Variants in SLC24A2 observed in about 807,000 individuals in gnomAD.
SLC24A2 encodes solute carrier family 24 member 2, also known as sodium/potassium/calcium exchanger 2.
A neutral mutation model predicts 62.0 loss-of-function variants in SLC24A2; 36 were observed. The observed-to-expected ratio is 0.58, with a 90% CI of 0.44 to 0.77. The LOEUF is 0.77. Among genes scored for constraint, SLC24A2 ranks in the 30% least tolerant of loss-of-function variants. The pLI is 0.00. For missense variants in SLC24A2, 846 were observed against 817.9 expected, an observed-to-expected ratio of 1.03 and a Z score of -0.42; for synonymous variants, 358 against 294.0, an observed-to-expected ratio of 1.22 and a Z score of -2.23.
the SLC24A2 span, among the ~76,000 whole-genome samples, chr9:20,003,269 C>T: frequency 6.6e-6 from 1 of 152,180 alleles, no homozygotes; most frequent in Non-Finnish European, 1.5e-5. Context: ...GCTTGTAAGA[C>T]TCTAATCCAG....
At chr9:19,733,779 G>A (rs1014341641) in intron 2 of SLC24A2, among the ~76,000 whole-genome samples, 3 of 152,088 alleles carry the variant, frequency 2.0e-5, no homozygotes, top group Non-Finnish European at 4.4e-5. Context: ...TCTGACCTAC[G>A]TTTGTGGTTT....
the SLC24A2 span, among the ~76,000 whole-genome samples, chr9:19,998,216 A>G: frequency 6.6e-6 from 1 of 152,164 alleles, no homozygotes. Context: ...TGGCAGGGCT[A>G]GGATTCAAAC....
chr9:19,715,392 G>A (rs1328276367), intron 2 of SLC24A2, among the ~76,000 whole-genome samples: 1 of 152,136 alleles, frequency 6.6e-6, no homozygotes, highest in South Asian at 2.1e-4. Flanking sequence ...GAGGGACCGA[G>A]TATCCTCAAG....
chr9:20,283,346 T>C, the SLC24A2 span, among the ~76,000 whole-genome samples: 3 of 152,162 alleles, frequency 2.0e-5, no homozygotes, highest in Non-Finnish European at 4.4e-5. Context: ...CTACCTAAAG[T>C]GATCCCTGCA....
At chr9:20,287,800 T>G in the SLC24A2 span, among the ~76,000 whole-genome samples, 1 of 152,160 alleles carries the variant, frequency 6.6e-6, no homozygotes, top group African/African-American at 2.4e-5. Context: ...CCTCTCCATC[T>G]CTTCCAGTTA....
chr9:20,179,426 C>A, the SLC24A2 span, among the ~76,000 whole-genome samples: 3 of 152,032 alleles, frequency 2.0e-5, no homozygotes, highest in East Asian at 3.9e-4. Context: ...ATGAGATCAT[C>A]ATGACTGATG....
the SLC24A2 span, among the ~76,000 whole-genome samples, chr9:20,120,056 A>G: frequency 9.3e-4 from 142 of 152,096 alleles, no homozygotes; most frequent in South Asian, 3.7e-3. Context: ...AACCACCCAC[A>G]TTTTCCTTCA....
At position 19,671,725 on chromosome 9, in the gene SLC24A2, T is replaced by C. The variant is rs1819422384; in HGVS notation, c.931-49426A>G. On this transcript the variant is annotated intron_variant, in intron 2 of 10. Coordinates refer to ENST00000341998, the MANE Select transcript of SLC24A2 (RefSeq NM_020344.4). ...ATGGCTTTTATTATCTTAAGATACG[T>C]CCCTTCTATGCCGATTTTGCTGAGG... Among the ~76,000 whole-genome samples, 3 of 152,182 alleles carry C rather than the reference T, an allele frequency of 2.0e-5. No homozygotes were observed. The South Asian group carries it at 6.2e-4, about 32-fold the overall frequency.
the SLC24A2 span, among the ~76,000 whole-genome samples, chr9:19,863,408 G>T: frequency 6.6e-6 from 1 of 151,916 alleles, no homozygotes; most frequent in South Asian, 2.1e-4. Context: ...GTTATTTACA[G>T]AACATTTTAT....
the SLC24A2 span, among the ~76,000 whole-genome samples, chr9:20,279,867 T>C: frequency 2.0e-5 from 3 of 152,208 alleles, no homozygotes. Flanking sequence ...AGGGACACAC[T>C]CTCATTGTTA....
At position 19,548,745 on chromosome 9, in the gene SLC24A2, C is replaced by G. The variant is rs534885622; in HGVS notation, c.1479+1392G>C. On this transcript the variant is annotated intron_variant, in intron 8 of 10. Coordinates refer to ENST00000341998, the MANE Select transcript of SLC24A2 (RefSeq NM_020344.4). ...ATGCTCTCCTCCCTGTGCAGTCCCC[C>G]TTTGAGAGTCAGCCCCTGCAGCATG... Among the ~76,000 whole-genome samples, 11 of 152,300 alleles carry G rather than the reference C, an allele frequency of 7.2e-5. No homozygotes were observed. The South Asian group carries it at 2.3e-3, about 32-fold the overall frequency.
the SLC24A2 span, among the ~76,000 whole-genome samples, chr9:20,185,786 A>G: frequency 6.6e-6 from 1 of 152,182 alleles, no homozygotes; most frequent in Non-Finnish European, 1.5e-5. Context: ...CAAGCACTCT[A>G]AAGTTTGTAG....
At chr9:19,527,943 C>G in intron 9 of SLC24A2, 106 bp downstream of exon 9, 1 of 751,984 alleles carries the variant, frequency 1.3e-6, no homozygotes, top group Non-Finnish European at 2.4e-6. Flanking sequence ...CTGTGTCACA[C>G]CCAATACTGT....
chr9:19,583,658 C>G (rs2132869110), intron 5 of SLC24A2, among the ~76,000 whole-genome samples: 1 of 152,214 alleles, frequency 6.6e-6, no homozygotes, highest in South Asian at 2.1e-4. Flanking sequence ...GCCCATGGCC[C>G]CAGTGGAACT....
the SLC24A2 span, among the ~76,000 whole-genome samples, chr9:20,121,932 A>G: frequency 6.6e-6 from 1 of 152,182 alleles, no homozygotes; most frequent in African/African-American, 2.4e-5. Context: ...ATTATACACA[A>G]CTTCAAAGAA....
chr9:20,021,641 C>T, the SLC24A2 span, among the ~76,000 whole-genome samples: 2 of 152,120 alleles, frequency 1.3e-5, no homozygotes, highest in African/African-American at 4.8e-5. Context: ...ATAATCTCCT[C>T]TATGGACAAT....
chr9:20,273,435 G>C, the SLC24A2 span, among the ~76,000 whole-genome samples: 3 of 152,192 alleles, frequency 2.0e-5, no homozygotes, highest in Non-Finnish European at 4.4e-5. Context: ...TCATCTTGTA[G>C]CTCCCATTAT....
intron 5 of SLC24A2, among the ~76,000 whole-genome samples, chr9:19,596,856 C>T (rs989708326): frequency 5.9e-5 from 9 of 152,130 alleles, no homozygotes; most frequent in African/African-American, 2.2e-4. Context: ...GAAAATACAT[C>T]CCCCTCTGAA....
intron 2 of SLC24A2, among the ~76,000 whole-genome samples, chr9:19,739,252 C>T (rs1466927360): frequency 2.6e-5 from 4 of 152,220 alleles, no homozygotes; most frequent in African/African-American, 9.6e-5. Flanking sequence ...AACAGAGATT[C>T]TATATTGTAA....
Sources: gnomAD v4.1 joint callset for allele counts (sites outside exome capture counted in the v4.1 genomes callset) on GRCh38, gnomAD v4.1.1 for gene constraint, MANE v1.5 for transcripts, NCBI Gene and HGNC (gene_info 2026-07-23, HGNC 2026-07-21) for gene names.